Variants in POLE observed in about 807,000 individuals in gnomAD.
POLE encodes DNA polymerase epsilon catalytic subunit A.
In POLE, 188 loss-of-function variants were observed where a neutral mutation model predicts 279.2. The observed-to-expected ratio is 0.67, with a 90% CI of 0.60 to 0.76. The LOEUF is 0.76. POLE is among the 30% of genes least tolerant of loss of function. The pLI is 0.00. For missense variants in POLE, 2,703 were observed against 3,016.7 expected (o/e 0.90, Z 2.44); for synonymous variants, 1,214 against 1,172.5 (o/e 1.04, Z -0.72).
At chr12:132,629,194 C>T (rs1243283649) in intron 45 of POLE, among the ~76,000 whole-genome samples, 1 of 152,226 alleles carries the variant, frequency 6.6e-6, no homozygotes, top group Non-Finnish European at 1.5e-5. Flanking sequence ...GGTCCACTGT[C>T]AATGAGCAGT....
intron 20 of POLE, among the ~76,000 whole-genome samples, chr12:132,666,695 T>TG (rs5744810): frequency 0.51 from 77,675 of 151,714 alleles, 20,670 homozygotes; most frequent in East Asian, 0.7. Context: ...GAAAGTGGAA[T>TG]GGGGTCACTA....
At chr12:132,652,494 G>A (rs1340555276) in intron 29 of POLE, among the ~76,000 whole-genome samples, 6 of 151,482 alleles carry the variant, frequency 4.0e-5, no homozygotes, top group African/African-American at 7.3e-5. Flanking sequence ...ATGTTGTGCC[G>A]GATTTTTTTT....
chr12:132,687,286 G>C lies in POLE; in HGVS notation c.30C>G (p.Arg10=), dbSNP rs1555231425. ...CCTCGCCATCCGCGCCTGGGTCCGC[G>C]CGCCGCCGCCCGCCGCTCCTCAGAG... The part of the protein sequence containing the change: MSLRSGGRR[R]ADPGADGEAS... The change falls in exon 1 of 49, where the codon CGC becomes CGG. Residue 10 remains arginine (R), a synonymous_variant. Coordinates refer to ENST00000320574, the MANE Select transcript of POLE (RefSeq NM_006231.4). 6.7e-7 allele frequency: 1 copy of C among 1,502,644 alleles called. No individual in the cohort carries two copies. Among genetic ancestry groups the C allele is most frequent in the Non-Finnish European group, 8.9e-7 (1 of 1,127,788 alleles). 93.1% of individuals were successfully genotyped at this position (1,502,644 alleles called of 1,614,324 possible).
Position 132,649,727 on chromosome 12 carries a change from C to T in POLE, c.3745G>A (p.Val1249Met), listed in dbSNP as rs762626359. 19 of 1,614,204 alleles carry T rather than the reference C, an allele frequency of 1.2e-5. No individual in the cohort carries two copies. In the Middle Eastern group the frequency reaches 1.2e-3, roughly 98 times the overall value. ...QEESQDLTPT[V>M]PWQEILGQPP... is the part of the protein sequence containing the mutation. ...TGCCCCAAGATTTCCTGCCAGGGCA[C>T]AGTCGGCGTGAGGTCCTGGGACTCC... is the stretch of plus-strand genomic sequence containing the variant. Residue 1249 changes from valine (V) to methionine (M), a missense_variant, in exon 30 of 49, where the codon GTG (valine) becomes ATG (methionine). Transcript: ENST00000320574.
In POLE at chr12:132,664,863, T is replaced by C. The variant is rs1207643043; in HGVS notation, c.2469-401A>G. Among the ~76,000 whole-genome samples the C allele has an allele frequency of 3.3e-5, 5 of 151,848 alleles. No homozygotes were observed. The highest frequency in any genetic ancestry group is 7.4e-5 in the Non-Finnish European group (5 of 67,960). On this transcript the variant is annotated intron_variant, in intron 21 of 48. Transcript: ENST00000320574. The surrounding 1 kb of genome is among the most constrained non-coding windows in gnomAD (Gnocchi z 5.3). ...AGGCCCAACCCTCCTCCAGCCTGGG[T>C]CCCAGCCCTGCTGTCAGCTGTCCCA...
At chr12:132,685,422 G>A (rs1205706097) in intron 1 of POLE, among the ~76,000 whole-genome samples, 1 of 152,246 alleles carries the variant, frequency 6.6e-6, no homozygotes, top group African/African-American at 2.4e-5. Flanking sequence ...CTACGAGGGA[G>A]GCCACTGGTG....
intron 20 of POLE, among the ~76,000 whole-genome samples, 160 bp from the exon 21 acceptor site, chr12:132,665,610 A>G (rs1421241765): frequency 6.6e-6 from 1 of 152,160 alleles, no homozygotes; most frequent in Non-Finnish European, 1.5e-5. Flanking sequence ...TAGACTGGCC[A>G]ACTGTCAATA....
intron 32 of POLE, 84 bp downstream of exon 32, chr12:132,648,845 G>A (rs55685848): frequency 7.1e-7 from 1 of 1,413,546 alleles, no homozygotes; most frequent in Non-Finnish European, 9.7e-7. Context: ...CTGAGGAGAT[G>A]GAGGCTGGAG....
At position 132,659,485 on chromosome 12, in the gene POLE, G is replaced by A. The variant is rs1593772866; in HGVS notation, c.3085C>T (p.Leu1029=). 1.9e-6 allele frequency: 3 copies of A among 1,614,154 alleles called. No individual in the cohort carries two copies. The highest frequency in any genetic ancestry group is 2.5e-6 in the Non-Finnish European group (3 of 1,180,028). Residue 1029 remains leucine (L), a synonymous_variant, in exon 26 of 49, where the codon CTA becomes TTA. Transcript: ENST00000320574. Reference sequence around the variant, plus strand: ...CGGTTCTCAGAGATGAGCTCGAATAGCTCAGAGTCAGGCATGTTGGCTGCC... The same window carrying A: ...CGGTTCTCAGAGATGAGCTCGAATAACTCAGAGTCAGGCATGTTGGCTGCC... ...SKAANMPDSE[L]FELISENRSM...
rs1254957981 is a variant in POLE at position 132,634,448 on chromosome 12, C to T, written c.5812-70G>A. 2.0e-5 allele frequency: 30 copies of T among 1,476,482 alleles called. No individual in the cohort carries two copies. The highest frequency in any genetic ancestry group is 3.8e-5 in the South Asian group (3 of 79,720). 91.5% of individuals were successfully genotyped at this position (1,476,482 alleles called of 1,614,324 possible). A position where few individuals can be genotyped will look rare whatever the true frequency, so the allele number is the denominator to read the frequency against. ...CTGGTAGAGGGGTAGGATGCCACAGCGAAGGCTCCTCCAACCTGGGTCCAT... is the reference window on the plus strand; with the variant it reads ...CTGGTAGAGGGGTAGGATGCCACAGTGAAGGCTCCTCCAACCTGGGTCCAT... On this transcript the variant is annotated intron_variant, in intron 42 of 48. Transcript: ENST00000320574. This position sits in a 1 kb window ranked among gnomAD's most constrained non-coding sequence, Gnocchi z 4.0.
At chr12:132,645,431 T>C (rs2042261100) in intron 32 of POLE, among the ~76,000 whole-genome samples, 1 of 152,186 alleles carries the variant, frequency 6.6e-6, no homozygotes, top group Admixed American at 6.5e-5. Flanking sequence ...CCTAGCTTCA[T>C]GCATGAACCA....
At chr12:132,640,613 T>C (rs2042122111) in intron 39 of POLE, among the ~76,000 whole-genome samples, 1 of 152,232 alleles carries the variant, frequency 6.6e-6, no homozygotes. Context: ...GGAACCCCAA[T>C]TCAGCTAAAG....
rs910075473 is a variant in POLE at position 132,664,912 on chromosome 12, C to T, written c.2468+390G>A. Among the ~76,000 whole-genome samples the T allele has an allele frequency of 3.3e-5, 5 of 152,042 alleles. No individual in the cohort carries two copies. Among genetic ancestry groups the T allele is most frequent in the Admixed American group, 6.5e-5 (1 of 15,272 alleles). ...CACCCTCCCCTCCCGGCACCAGCCC[C>T]ATGCCCCTTGTCAGTTGCTTCTCTG... is the stretch of plus-strand genomic sequence containing the variant. On this transcript the variant is annotated intron_variant, in intron 21 of 48. Coordinates refer to ENST00000320574, the MANE Select transcript of POLE (RefSeq NM_006231.4). This position sits in a 1 kb window ranked among gnomAD's most constrained non-coding sequence, Gnocchi z 5.3.
rs1009554898 is a variant in POLE, at chr12:132,661,335, C to T, written c.2865-171G>A. ...CACTGCTTCTCTAAAAGGAAAATGGCTGAAGGGCCTGCAGCCACAGAGCCA... is the reference window on the plus strand; with the variant it reads ...CACTGCTTCTCTAAAAGGAAAATGGTTGAAGGGCCTGCAGCCACAGAGCCA... On this transcript the variant is annotated intron_variant, in intron 24 of 48. Transcript: ENST00000320574. This position sits in a 1 kb window ranked among gnomAD's most constrained non-coding sequence, Gnocchi z 4.1. Among the ~76,000 whole-genome samples the T allele has an allele frequency of 1.3e-5, 2 of 152,176 alleles. No individual in the cohort carries two copies. The highest frequency in any genetic ancestry group is 2.9e-5 in the Non-Finnish European group (2 of 68,036).
chr12:132,653,137 T>TG lies in POLE; in HGVS notation c.3583-3249dup, dbSNP rs902358095. On this transcript the variant is annotated intron_variant, in intron 29 of 48. Coordinates refer to ENST00000320574, the MANE Select transcript of POLE (RefSeq NM_006231.4). Reference sequence around the variant, plus strand: ...GCTCACACCTGTAATCCCAGTGCTTTGGGGGGGGCCCAGGCAGGAGGATCA... The same window carrying TG: ...GCTCACACCTGTAATCCCAGTGCTTTGGGGGGGGGCCCAGGCAGGAGGATCA... 1.6e-4 allele frequency among the ~76,000 whole-genome samples: 24 copies of TG among 151,906 alleles called. No homozygotes were observed. The East Asian group carries it at 2.5e-3, about 16-fold the overall frequency.
rs1185171180 is a variant in POLE at position 132,676,636 on chromosome 12, T to C, written c.819A>G (p.Ala273=). 2 of 1,612,934 alleles carry C rather than the reference T, an allele frequency of 1.2e-6. No homozygotes were observed. The highest frequency in any genetic ancestry group is 8.5e-7 in the Non-Finnish European group (1 of 1,178,998). ...GCAGTTTGGTCGTCTCAATGTCAAA[T>C]GCCAAAACCACAGGGTCCTGTGGGG... ...LVERPDPVVL[A]FDIETTKLPL... The change falls in exon 9 of 49, where the codon GCA becomes GCG. Residue 273 remains alanine (A), a synonymous_variant. Coordinates refer to ENST00000320574, the MANE Select transcript of POLE (RefSeq NM_006231.4).
chr12:132,662,468 CAT>C (rs1394004765), intron 23 of POLE, among the ~76,000 whole-genome samples: 12 of 152,292 alleles, frequency 7.9e-5, no homozygotes, highest in African/African-American at 2.6e-4. Context: ...GGGGCAGACT[CAT>C]GTGTTTAAAT....
In POLE at chr12:132,673,190, T is replaced by C. The variant is rs777736640; in HGVS notation, c.1447A>G (p.Thr483Ala). 24 of 1,610,998 alleles carry C rather than the reference T, an allele frequency of 1.5e-5. No homozygotes were observed. Among genetic ancestry groups the C allele is most frequent in the Non-Finnish European group, 1.7e-5 (20 of 1,177,272 alleles). ...TCGTCGGGCTCCATGGGAATAATGG[T>C]GCACAGAGCAAAGATGAATGGGTGG... is the stretch of plus-strand genomic sequence containing the variant. ...YVHPFIFALC[T>A]IIPMEPDEVL... The change falls in exon 14 of 49, where the codon ACC (threonine) becomes GCC (alanine). Residue 483 changes from threonine (T) to alanine (A), a missense_variant. This residue lies in a region of POLE where 1,011 missense variants were observed against 1,111.7 expected (regional missense o/e 0.91). Coordinates refer to ENST00000320574, the MANE Select transcript of POLE (RefSeq NM_006231.4).
At position 132,676,540 on chromosome 12, in the gene POLE, G is replaced by A. The variant is rs2136015328; in HGVS notation, c.909+6C>T. The A allele has an allele frequency of 6.3e-7, 1 of 1,597,402 alleles. No homozygotes were observed. Among genetic ancestry groups the A allele is most frequent in the Non-Finnish European group, 8.6e-7 (1 of 1,164,758 alleles). ...GGAGCTTACTTCCCAGAAGCCACCT[G>A]CTCACCTGGCCATCGATCATGTAGG... On this transcript the variant is annotated splice_donor_region_variant and intron_variant, in intron 9 of 48. Coordinates refer to ENST00000320574, the MANE Select transcript of POLE (RefSeq NM_006231.4).
Sources: gnomAD v4.1 joint callset for allele counts (sites outside exome capture counted in the v4.1 genomes callset) on GRCh38, gnomAD v4.1.1 for gene constraint, gnomAD v4.1.1 regional missense constraint, Gnocchi (gnomAD v3.1) non-coding constraint, MANE v1.5 for transcripts, NCBI Gene and HGNC (gene_info 2026-07-23, HGNC 2026-07-21) for gene names.